The following IKZF2 variants were observed in gnomAD, a reference collection of about 807,000 sequenced individuals.
The protein encoded by IKZF2 is IKAROS family zinc finger 2.
Under a neutral mutation model 49.2 loss-of-function variants are expected in IKZF2, and 15 were observed. The observed-to-expected ratio is 0.30, with a 90% CI of 0.20 to 0.47. IKZF2 has a LOEUF of 0.47. Ranked by LOEUF, IKZF2 falls within the 20% of genes least tolerant of loss-of-function variation. The pLI, the probability that IKZF2 is intolerant of heterozygous loss-of-function variation, is 1.00. For missense variants in IKZF2, 567 were observed against 664.6 expected, an observed-to-expected ratio of 0.85 and a Z score of 1.61; for synonymous variants, 227 against 221.4, an observed-to-expected ratio of 1.03 and a Z score of -0.23.
chr2:213,039,559 T>C (rs868541761), intron 6 of IKZF2, among the ~76,000 whole-genome samples: 2 of 152,026 alleles, frequency 1.3e-5, no homozygotes, highest in Admixed American at 6.5e-5. Context: ...AAAATCAACA[T>C]TCCTAAAGTG....
intron 7 of IKZF2, among the ~76,000 whole-genome samples, chr2:213,020,366 G>T (rs1399165927): frequency 6.6e-6 from 1 of 151,786 alleles, no homozygotes; most frequent in African/African-American, 2.4e-5. Flanking sequence ...ACCATTTATT[G>T]GGCATTTATT....
chr2:213,122,803 C>A (rs775716837), intron 4 of IKZF2, among the ~76,000 whole-genome samples: 129 of 152,204 alleles, frequency 8.5e-4, no homozygotes, highest in Non-Finnish European at 1.7e-3. Context: ...TCCAATCCTT[C>A]ACATGGCTAG....
intron 7 of IKZF2, chr2:213,021,440 T>C (rs1053233320): frequency 2.9e-5 from 5 of 169,496 alleles, no homozygotes; most frequent in African/African-American, 1.2e-4. Flanking sequence ...TATTCATTGA[T>C]AAACCTTAGG....
intron 5 of IKZF2, among the ~76,000 whole-genome samples, chr2:213,052,402 C>T (rs1700758451): frequency 6.6e-6 from 1 of 151,932 alleles, no homozygotes; most frequent in African/African-American, 2.4e-5. Context: ...ATTTTAATTT[C>T]AATAAGATAA....
chr2:213,083,676 A>G (rs1246936032), intron 4 of IKZF2, among the ~76,000 whole-genome samples: 2 of 150,020 alleles, frequency 1.3e-5, no homozygotes, highest in African/African-American at 4.9e-5. Flanking sequence ...TACTAGGATT[A>G]CAAGTGTGAA....
Position 213,104,130 on chromosome 2 carries a change from C to T in IKZF2, c.139+43578G>A, listed in dbSNP as rs146743036. Among the ~76,000 whole-genome samples, 506 of 152,106 alleles carry T rather than the reference C, an allele frequency of 3.3e-3. 2 individuals carry two copies. Among genetic ancestry groups the T allele is most frequent in the African/African-American group, 0.011 (472 of 41,496 alleles). Reference sequence around the variant, plus strand: ...AGAGGTATTGCAAACTTGCAAAACACATTAATAGTACAGTTAAAACAGAAT... The same window carrying T: ...AGAGGTATTGCAAACTTGCAAAACATATTAATAGTACAGTTAAAACAGAAT... On this transcript the variant is annotated intron_variant, in intron 4 of 8. Coordinates refer to ENST00000434687, the MANE Select transcript of IKZF2 (RefSeq NM_001387220.1).
chr2:213,075,453 T>C lies in IKZF2; in HGVS notation c.140-18354A>G, dbSNP rs558321274. On this transcript the variant is annotated intron_variant, in intron 4 of 8. Transcript: ENST00000434687. Reference sequence around the variant, plus strand: ...CAAGTTATACTCAGTAGAAAAAATATATATCTTATCCTATATTTGAGTTCC... The same window carrying C: ...CAAGTTATACTCAGTAGAAAAAATACATATCTTATCCTATATTTGAGTTCC... 7.9e-5 allele frequency among the ~76,000 whole-genome samples: 12 copies of C among 152,154 alleles called. No homozygotes were observed. The South Asian group carries it at 1.9e-3, about 24-fold the overall frequency.
chr2:213,082,865 T>A (rs1366225556), intron 4 of IKZF2, among the ~76,000 whole-genome samples: 2 of 152,204 alleles, frequency 1.3e-5, no homozygotes, highest in African/African-American at 4.8e-5. Context: ...TTTCACTACT[T>A]TTGACAGTTC....
At chr2:213,119,094 A>G (rs1361124060) in intron 4 of IKZF2, among the ~76,000 whole-genome samples, 1 of 152,222 alleles carries the variant, frequency 6.6e-6, no homozygotes, top group African/African-American at 2.4e-5. Context: ...TGGTTTGAAT[A>G]AAGAAAGATT....
intron 4 of IKZF2, among the ~76,000 whole-genome samples, chr2:213,099,138 T>C (rs924887340): frequency 1.3e-5 from 2 of 152,152 alleles, no homozygotes; most frequent in African/African-American, 4.8e-5. Flanking sequence ...ACTGAGTTTA[T>C]TCATATACTG....
intron 6 of IKZF2, among the ~76,000 whole-genome samples, chr2:213,033,311 C>T (rs1698670385): frequency 6.6e-6 from 1 of 152,182 alleles, no homozygotes; most frequent in South Asian, 2.1e-4. Context: ...CAACTTTTTC[C>T]CAACTCCTGT....
At chr2:213,130,242 G>T (rs1181490190) in intron 4 of IKZF2, among the ~76,000 whole-genome samples, 1 of 152,120 alleles carries the variant, frequency 6.6e-6, no homozygotes, top group Non-Finnish European at 1.5e-5. Flanking sequence ...GGTAAAAACA[G>T]AAACTCAGAA....
rs2061254635 is a variant in IKZF2, at chr2:213,150,705, G to GT, written c.-119-459_-119-458insA. On this transcript the variant is annotated intron_variant, in intron 1 of 8. Coordinates refer to ENST00000434687, the MANE Select transcript of IKZF2 (RefSeq NM_001387220.1). ...AAGACAAGAAAACTGAAAGAAAAGG[G>GT]GGGGGGGGCGGGTAGAGGGGAGGGA... 1.4e-5 allele frequency among the ~76,000 whole-genome samples: 2 copies of GT among 138,440 alleles called. 1 individual carries two copies. Among genetic ancestry groups the GT allele is most frequent in the Non-Finnish European group, 3.2e-5 (2 of 63,482 alleles). 90.8% of individuals were successfully genotyped at this position (138,440 alleles called of 152,430 possible).
intron 7 of IKZF2, chr2:213,014,997 T>C (rs1412405090): frequency 6.6e-6 from 1 of 152,022 alleles, no homozygotes. Context: ...CTTTCATTTG[T>C]ATAAGATAGT....
chr2:213,088,976 T>C (rs1704988678), intron 4 of IKZF2, among the ~76,000 whole-genome samples: 1 of 152,178 alleles, frequency 6.6e-6, no homozygotes, highest in Non-Finnish European at 1.5e-5. Context: ...GGTTCTCTGC[T>C]GCATTGTAAG....
At chr2:213,032,962 T>A (rs376446946) in intron 6 of IKZF2, among the ~76,000 whole-genome samples, 1 of 152,206 alleles carries the variant, frequency 6.6e-6, no homozygotes, top group East Asian at 1.9e-4. Context: ...GATACGATTT[T>A]ACCCAGAGTA....
At chr2:213,055,653 T>C (rs1006761205) in intron 5 of IKZF2, among the ~76,000 whole-genome samples, 2 of 152,058 alleles carry the variant, frequency 1.3e-5, no homozygotes, top group East Asian at 1.9e-4. Context: ...CAATAGTGTG[T>C]CTGAACAAAA....
At chr2:213,093,790 G>A (rs887088973) in intron 4 of IKZF2, among the ~76,000 whole-genome samples, 4 of 152,140 alleles carry the variant, frequency 2.6e-5, no homozygotes, top group Non-Finnish European at 5.9e-5. Flanking sequence ...AATCTTCATT[G>A]TACATCGCAT....
upstream of IKZF2, chr2:213,152,291 G>T (rs548574935): frequency 1.3e-5 from 2 of 152,258 alleles, no homozygotes; most frequent in Non-Finnish European, 2.9e-5. Flanking sequence ...GAGTCGGGGA[G>T]TGTGCGTGGA....
Sources: gnomAD v4.1 joint callset for allele counts (sites outside exome capture counted in the v4.1 genomes callset) on GRCh38, gnomAD v4.1.1 for gene constraint, MANE v1.5 for transcripts, NCBI Gene and HGNC (gene_info 2026-07-23, HGNC 2026-07-21) for gene names.